Variants in DPP10 observed in about 807,000 individuals in gnomAD.
DPP10 encodes inactive dipeptidyl peptidase 10.
Under a neutral mutation model 120.9 loss-of-function variants are expected in DPP10, and 33 were observed. The observed-to-expected ratio is 0.27, with a 90% CI of 0.21 to 0.37. The LOEUF (loss-of-function observed/expected upper bound fraction) is 0.37. Among genes scored for constraint, DPP10 ranks in the 10% least tolerant of loss-of-function variants. The pLI, the probability that DPP10 is intolerant of heterozygous loss-of-function variation, is 1.00. For synonymous variants in DPP10, 337 were observed against 326.1 expected, an observed-to-expected ratio of 1.03 and a Z score of -0.36; for missense variants, 816 against 942.8, an observed-to-expected ratio of 0.87 and a Z score of 1.76.
chr2:115,497,537 T>G (rs1558758577), intron 3 of DPP10, among the ~76,000 whole-genome samples: 1 of 152,170 alleles, frequency 6.6e-6, no homozygotes, highest in Non-Finnish European at 1.5e-5. Flanking sequence ...AAATGGAAAT[T>G]TATTTTCTCT....
intron 1 of DPP10, among the ~76,000 whole-genome samples, chr2:114,522,236 G>T (rs1397730149): frequency 6.7e-6 from 1 of 149,788 alleles, no homozygotes; most frequent in Non-Finnish European, 1.5e-5. Flanking sequence ...CGCCCGCCTC[G>T]GCCTCCCAAA....
intron 1 of DPP10, among the ~76,000 whole-genome samples, chr2:115,273,632 G>A (rs1013473088): frequency 6.6e-6 from 1 of 152,206 alleles, no homozygotes. Context: ...CACCGCGCCC[G>A]GCCTGAGGCC....
At chr2:115,352,772 C>T (rs1386488875) in intron 3 of DPP10, among the ~76,000 whole-genome samples, 1 of 152,078 alleles carries the variant, frequency 6.6e-6, no homozygotes, top group African/African-American at 2.4e-5. Flanking sequence ...GTAGACATAA[C>T]TGAAGAGTTG....
intron 1 of DPP10, among the ~76,000 whole-genome samples, chr2:115,277,760 A>G (rs1399347457): frequency 6.6e-6 from 1 of 152,114 alleles, no homozygotes; most frequent in Non-Finnish European, 1.5e-5. Context: ...AGATTTTATT[A>G]TATCTTGAAA....
rs1441079679 is a variant in DPP10 at position 115,455,656 on chromosome 2, A to G, written c.272-43854A>G. Among the ~76,000 whole-genome samples, 4 of 152,104 alleles carry G rather than the reference A, an allele frequency of 2.6e-5. No individual in the cohort carries two copies. The East Asian group carries it at 7.7e-4, about 29-fold the overall frequency. On this transcript the variant is annotated intron_variant, in intron 3 of 25. Transcript: ENST00000410059. ...GGAACAAAACAGAGGCCTCAGAGAC[A>G]ACACCACACATCTACAACCATCTGA...
chr2:115,000,311 A>G (rs1405296344), intron 1 of DPP10, among the ~76,000 whole-genome samples: 1 of 152,194 alleles, frequency 6.6e-6, no homozygotes, highest in African/African-American at 2.4e-5. Context: ...ATAAAAAGAA[A>G]CAAACACGCA....
chr2:114,571,306 T>G (rs1382299712), intron 1 of DPP10, among the ~76,000 whole-genome samples: 2 of 152,064 alleles, frequency 1.3e-5, no homozygotes, highest in East Asian at 3.9e-4. Context: ...TGGTGCCTCC[T>G]CACTCTCTCT....
intron 1 of DPP10, among the ~76,000 whole-genome samples, chr2:114,930,592 A>G (rs1695995715): frequency 6.6e-6 from 1 of 152,194 alleles, no homozygotes; most frequent in African/African-American, 2.4e-5. Context: ...CTATATTTCT[A>G]TCAGAATTTT....
At chr2:115,331,654 G>A (rs1049705552) in intron 2 of DPP10, among the ~76,000 whole-genome samples, 1 of 152,078 alleles carries the variant, frequency 6.6e-6, no homozygotes, top group Non-Finnish European at 1.5e-5. Context: ...TTTTGTCAAA[G>A]GCCTTTTCTG....
At chr2:115,278,341 C>G (rs543490648) in intron 1 of DPP10, among the ~76,000 whole-genome samples, 299 of 152,298 alleles carry the variant, frequency 2.0e-3, no homozygotes, top group African/African-American at 7.0e-3. Flanking sequence ...AGAGGTTGAG[C>G]TCTTCCTTCA....
chr2:115,049,795 T>C (rs1160399876), intron 1 of DPP10, among the ~76,000 whole-genome samples: 5 of 152,218 alleles, frequency 3.3e-5, no homozygotes, highest in Non-Finnish European at 5.9e-5. Context: ...GGTTCCCTTT[T>C]CTGACACCTT....
intron 2 of DPP10, among the ~76,000 whole-genome samples, chr2:115,333,706 A>G (rs1355936763): frequency 6.6e-6 from 1 of 152,080 alleles, no homozygotes; most frequent in African/African-American, 2.4e-5. Context: ...TGGATATAAA[A>G]TTCTGGGTTG....
intron 1 of DPP10, among the ~76,000 whole-genome samples, chr2:114,615,947 T>C (rs549022938): frequency 1.3e-5 from 2 of 152,286 alleles, no homozygotes; most frequent in Admixed American, 1.3e-4. Flanking sequence ...GTAATTATAA[T>C]ATAATGTGAA....
chr2:114,819,470 G>A (rs1423522791), intron 1 of DPP10, among the ~76,000 whole-genome samples: 1 of 151,978 alleles, frequency 6.6e-6, no homozygotes, highest in Non-Finnish European at 1.5e-5. Flanking sequence ...GAAATATCAT[G>A]AAAAATAAAA....
chr2:115,184,031 C>A (rs1199711713), intron 1 of DPP10, among the ~76,000 whole-genome samples: 1 of 152,112 alleles, frequency 6.6e-6, no homozygotes, highest in Non-Finnish European at 1.5e-5. Context: ...TTAGTTTTAA[C>A]TTTAAATACA....
chr2:114,489,710 C>G (rs983507324), intron 1 of DPP10, among the ~76,000 whole-genome samples: 13 of 152,066 alleles, frequency 8.5e-5, no homozygotes, highest in Admixed American at 1.3e-4. Context: ...GTTGGTAGGA[C>G]TAGCTCCTGG....
intron 1 of DPP10, among the ~76,000 whole-genome samples, chr2:114,824,703 A>G (rs2106370679): frequency 6.6e-6 from 1 of 152,316 alleles, no homozygotes; most frequent in Non-Finnish European, 1.5e-5. Context: ...TGTTATTGCT[A>G]GGAAGAATCT....
intron 5 of DPP10, among the ~76,000 whole-genome samples, chr2:115,637,566 T>C (rs2086445528): frequency 6.6e-6 from 1 of 152,082 alleles, no homozygotes; most frequent in Non-Finnish European, 1.5e-5. Context: ...ACCAATGAAA[T>C]ATATTGTTAG....
chr2:115,617,523 G>T (rs2084614726), intron 5 of DPP10, among the ~76,000 whole-genome samples: 1 of 151,614 alleles, frequency 6.6e-6, no homozygotes, highest in Admixed American at 6.6e-5. Context: ...AGCCCTATAA[G>T]ATTATAATAA....
Sources: gnomAD v4.1 joint callset for allele counts (sites outside exome capture counted in the v4.1 genomes callset) on GRCh38, gnomAD v4.1.1 for gene constraint, MANE v1.5 for transcripts, NCBI Gene and HGNC (gene_info 2026-07-23, HGNC 2026-07-21) for gene names.